The following AGMO variants were observed in gnomAD, a reference collection of about 807,000 sequenced individuals.
AGMO encodes alkylglycerol monooxygenase, also known as glyceryl-ether monooxygenase.
AGMO carries 75 observed loss-of-function variants against 60.2 expected under a neutral mutation model. That is an observed-to-expected ratio of 1.25 (90% CI 1.03 to 1.51). The LOEUF is 1.51. AGMO is among the 40% of genes most tolerant of loss of function. The probability of loss-of-function intolerance (pLI) is 0.00; values close to 1 mark genes in which losing one functional copy is unlikely to be tolerated. For synonymous variants in AGMO, 261 were observed against 177.1 expected (o/e 1.47, Z -3.76); for missense variants, 763 against 525.5 (o/e 1.45, Z -4.42).
intron 12 of AGMO, among the ~76,000 whole-genome samples, chr7:15,328,960 T>C (rs1057468897): frequency 6.6e-5 from 10 of 152,136 alleles, no homozygotes; most frequent in African/African-American, 2.4e-4. Context: ...TGAACTCCTA[T>C]TCCCTAAAAT....
At chr7:15,532,396 G>A (rs1040493243) in intron 3 of AGMO, among the ~76,000 whole-genome samples, 3 of 152,164 alleles carry the variant, frequency 2.0e-5, no homozygotes, top group African/African-American at 7.2e-5. Context: ...TGAGAGTTGG[G>A]CAAGTTGCTT....
At chr7:15,266,893 A>C (rs1783448318) in intron 12 of AGMO, among the ~76,000 whole-genome samples, 1 of 152,016 alleles carries the variant, frequency 6.6e-6, no homozygotes, top group Non-Finnish European at 1.5e-5. Context: ...TACTATCAGT[A>C]ATCTCAAACT....
chr7:15,293,505 A>G (rs959067845), intron 12 of AGMO, among the ~76,000 whole-genome samples: 7 of 152,144 alleles, frequency 4.6e-5, no homozygotes, highest in Admixed American at 2.6e-4. Context: ...GATTACCTCT[A>G]TGCACCAACC....
chr7:15,343,580 T>C (rs1442609678), intron 12 of AGMO, among the ~76,000 whole-genome samples: 2 of 152,152 alleles, frequency 1.3e-5, no homozygotes, highest in African/African-American at 2.4e-5. Context: ...ATTTGAAAGA[T>C]CAAATTACAA....
chr7:15,338,167 A>C (rs1282583261), intron 12 of AGMO, among the ~76,000 whole-genome samples: 1 of 152,220 alleles, frequency 6.6e-6, no homozygotes, highest in Non-Finnish European at 1.5e-5. Flanking sequence ...AAATTTTTTA[A>C]GTAAGGTGGA....
At chr7:15,221,059 A>G (rs1306503555) in intron 12 of AGMO, among the ~76,000 whole-genome samples, 1 of 152,224 alleles carries the variant, frequency 6.6e-6, no homozygotes, top group Non-Finnish European at 1.5e-5. Context: ...TTACACCTCC[A>G]AGAAAAGAAG....
chr7:15,268,614 A>G (rs1783503808), intron 12 of AGMO, among the ~76,000 whole-genome samples: 1 of 152,070 alleles, frequency 6.6e-6, no homozygotes, highest in African/African-American at 2.4e-5. Flanking sequence ...GAGTGGATAC[A>G]TTGAGTGTGG....
chr7:15,322,741 T>C (rs1386973165), intron 12 of AGMO, among the ~76,000 whole-genome samples: 1 of 130,012 alleles, frequency 7.7e-6, no homozygotes, highest in Non-Finnish European at 1.6e-5. Flanking sequence ...TATAAATATA[T>C]AAATATATAT....
intron 12 of AGMO, among the ~76,000 whole-genome samples, chr7:15,361,546 A>AAAAAAAAAAAAAAAAAG (rs60239009): frequency 6.9e-4 from 63 of 91,408 alleles, no homozygotes; most frequent in African/African-American, 1.2e-3. Flanking sequence ...TCTCAAAAAA[A>AAAAAAAAAAAAAAAAAG]AAAAAAAAGG....
At chr7:15,395,334 G>T (rs748127481) in intron 5 of AGMO, among the ~76,000 whole-genome samples, 3 of 152,012 alleles carry the variant, frequency 2.0e-5, no homozygotes, top group Admixed American at 6.6e-5. Flanking sequence ...ATAGAGATAA[G>T]ACTGCTTAAA....
chr7:15,183,982 G>C, the AGMO span, among the ~76,000 whole-genome samples: 1 of 152,026 alleles, frequency 6.6e-6, no homozygotes, highest in African/African-American at 2.4e-5. Context: ...ATTTTAATTA[G>C]GCAGAAATAC....
chr7:15,247,270 TTACAA>T (rs1398887133), intron 12 of AGMO, among the ~76,000 whole-genome samples: 1 of 152,144 alleles, frequency 6.6e-6, no homozygotes, highest in Non-Finnish European at 1.5e-5. Context: ...GTATTTATAT[TTACAA>T]TACATTTTCA....
At chr7:15,268,087 C>G (rs1055288180) in intron 12 of AGMO, among the ~76,000 whole-genome samples, 3 of 151,350 alleles carry the variant, frequency 2.0e-5, no homozygotes, top group Non-Finnish European at 4.4e-5. Flanking sequence ...TAATATGATA[C>G]CAAGAGTTAT....
chr7:15,209,905 A>G (rs541120238), intron 12 of AGMO, among the ~76,000 whole-genome samples: 3 of 152,308 alleles, frequency 2.0e-5, no homozygotes, highest in Admixed American at 6.5e-5. Context: ...ACTTGGCAAT[A>G]TAGGTACTGA....
intron 3 of AGMO, among the ~76,000 whole-genome samples, chr7:15,448,246 C>T (rs2128504493): frequency 6.6e-6 from 1 of 152,200 alleles, no homozygotes; most frequent in Admixed American, 6.5e-5. Context: ...GTGCCCTTTG[C>T]AAGGCTATTT....
At position 15,369,445 on chromosome 7, in the gene AGMO, A is replaced by C. The variant is rs189238765; in HGVS notation, c.1075-3223T>G. Among the ~76,000 whole-genome samples the C allele has an allele frequency of 3.4e-3, 514 of 152,172 alleles. 1 individual carries two copies. The highest frequency in any genetic ancestry group is 0.011 in the African/African-American group (473 of 41,520). Reference sequence around the variant, plus strand: ...TTAACTCAACATAAGCCATGCCAGAAATTTTCCTGTTCCTGGACATGACAA... The same window carrying C: ...TTAACTCAACATAAGCCATGCCAGACATTTTCCTGTTCCTGGACATGACAA... On this transcript the variant is annotated intron_variant, in intron 10 of 12. Transcript: ENST00000342526.
At chr7:15,381,448 G>A (rs991692490) in intron 10 of AGMO, among the ~76,000 whole-genome samples, 1 of 152,042 alleles carries the variant, frequency 6.6e-6, no homozygotes, top group South Asian at 2.1e-4. Context: ...CTGACTGTTA[G>A]AGAAATGCAA....
the AGMO span, among the ~76,000 whole-genome samples, chr7:15,118,213 T>A: frequency 3.5e-4 from 43 of 122,098 alleles, no homozygotes; most frequent in Non-Finnish European, 6.9e-4. Flanking sequence ...CACACACATA[T>A]ATACAAACAG....
the AGMO span, among the ~76,000 whole-genome samples, chr7:15,150,232 A>G: frequency 6.6e-6 from 1 of 152,064 alleles, no homozygotes; most frequent in Non-Finnish European, 1.5e-5. Flanking sequence ...CTAGGTACAG[A>G]GTCATATCAT....
Sources: gnomAD v4.1 joint callset for allele counts (sites outside exome capture counted in the v4.1 genomes callset) on GRCh38, gnomAD v4.1.1 for gene constraint, MANE v1.5 for transcripts, NCBI Gene and HGNC (gene_info 2026-07-23, HGNC 2026-07-21) for gene names.